The following ZNF804B variants were observed in gnomAD, a reference collection of about 807,000 sequenced individuals.
ZNF804B encodes zinc finger 804B.
Under a neutral mutation model 101.4 loss-of-function variants are expected in ZNF804B, and 80 were observed. The observed-to-expected ratio is 0.79, with a 90% CI of 0.66 to 0.95. The LOEUF is 0.95. Among genes scored for constraint, ZNF804B ranks in the 40% least tolerant of loss-of-function variants. ZNF804B has a pLI of 0.00. For missense variants in ZNF804B, 1,673 were observed against 1,561.9 expected, an observed-to-expected ratio of 1.07 and a Z score of -1.20; for synonymous variants, 622 against 558.8, an observed-to-expected ratio of 1.11 and a Z score of -1.59.
rs187177351 is a variant in ZNF804B, at chr7:88,816,023, A to G, written c.108+55939A>G. 9.1e-4 allele frequency among the ~76,000 whole-genome samples: 138 copies of G among 152,104 alleles called. 4 individuals carry two copies. In the East Asian group the frequency reaches 0.01, roughly 12 times the overall value. ...TCTTGCTATCCTACTCCGACTCTAA[A>G]TATTTCACACCAGGCAATTCCTCCC... On this transcript the variant is annotated intron_variant, in intron 1 of 3. Transcript: ENST00000333190.
intron 1 of ZNF804B, among the ~76,000 whole-genome samples, chr7:88,812,131 T>C (rs1292234810): frequency 1.3e-5 from 2 of 152,198 alleles, no homozygotes; most frequent in Non-Finnish European, 2.9e-5. Flanking sequence ...ACAGCCAATA[T>C]AGATTTCATG....
At chr7:89,118,609 G>A (rs190205303) in intron 1 of ZNF804B, among the ~76,000 whole-genome samples, 6 of 152,004 alleles carry the variant, frequency 3.9e-5, no homozygotes, top group Non-Finnish European at 5.9e-5. Context: ...AAGTGCCCCC[G>A]GCTCTCATAC....
At position 88,854,527 on chromosome 7, in the gene ZNF804B, T is replaced by TTTCCTTTCCTTTCCTTCCCTTCC. The variant is rs1791519535; in HGVS notation, c.108+94449_108+94450insTCCTTTCCTTCCCTTCCTTCCTT. Among the ~76,000 whole-genome samples, 80 of 40,084 alleles carry TTTCCTTTCCTTTCCTTCCCTTCC rather than the reference T, an allele frequency of 2.0e-3. 2 individuals carry two copies. Among genetic ancestry groups the TTTCCTTTCCTTTCCTTCCCTTCC allele is most frequent in the East Asian group, 3.3e-3 (3 of 922 alleles). The allele number at this position is 40,084 out of a possible 152,430, so 26.3% of individuals were successfully genotyped here. On this transcript the variant is annotated intron_variant, in intron 1 of 3. Coordinates refer to ENST00000333190, the MANE Select transcript of ZNF804B (RefSeq NM_181646.5). Reference sequence around the variant, plus strand: ...CTTTCCTTTCCTTTCCTTTCCTTCCTTTCCTTCCTTCCTTCCTTCCTTCCT... The same window carrying TTTCCTTTCCTTTCCTTCCCTTCC: ...CTTTCCTTTCCTTTCCTTTCCTTCCTTTCCTTTCCTTTCCTTCCCTTCCTTCCTTCCTTCCTTCCTTCCTTCCT...
At chr7:88,883,403 G>T (rs1583996076) in intron 1 of ZNF804B, among the ~76,000 whole-genome samples, 1 of 152,174 alleles carries the variant, frequency 6.6e-6, no homozygotes, top group Middle Eastern at 3.4e-3. Context: ...ACCAGACATT[G>T]TTACATAAGG....
chr7:88,903,489 T>A (rs1235508669), intron 1 of ZNF804B, among the ~76,000 whole-genome samples: 1 of 152,158 alleles, frequency 6.6e-6, no homozygotes, highest in South Asian at 2.1e-4. Context: ...ATTGCTGTGT[T>A]GAATCGTAGT....
intron 1 of ZNF804B, among the ~76,000 whole-genome samples, chr7:88,907,766 A>G (rs138917909): frequency 3.0e-4 from 46 of 152,098 alleles, no homozygotes; most frequent in African/African-American, 1.1e-3. Flanking sequence ...TTGAATTTTA[A>G]CTTCCAATTG....
intron 1 of ZNF804B, among the ~76,000 whole-genome samples, chr7:89,099,103 CAT>C (rs1562884311): frequency 6.7e-6 from 1 of 149,340 alleles, no homozygotes; most frequent in East Asian, 1.9e-4. Context: ...CACACACACA[CAT>C]ACACACACAC....
chr7:89,309,094 G>A (rs558143195), intron 2 of ZNF804B, among the ~76,000 whole-genome samples: 31 of 152,266 alleles, frequency 2.0e-4, no homozygotes, highest in African/African-American at 7.0e-4. Context: ...CATCCAAGTA[G>A]TGAACATAGT....
chr7:88,898,073 CTTTTTTTTTTTTTTT>C (rs869050718), intron 1 of ZNF804B, among the ~76,000 whole-genome samples: 3 of 56,594 alleles, frequency 5.3e-5, no homozygotes, highest in African/African-American at 8.4e-5. Flanking sequence ...ACTTCTCCAT[CTTTTTTTTTTTTTTT>C]TTTTTTTTTT....
intron 2 of ZNF804B, among the ~76,000 whole-genome samples, chr7:89,223,825 C>G (rs17167590): frequency 6.6e-6 from 1 of 151,706 alleles, no homozygotes; most frequent in Non-Finnish European, 1.5e-5. Context: ...ATATAGCTCA[C>G]GTTTTTGGAA....
In ZNF804B at chr7:88,988,833, C is replaced by G. The variant is rs114722421; in HGVS notation, c.108+228749C>G. Among the ~76,000 whole-genome samples, 5 of 152,154 alleles carry G rather than the reference C, an allele frequency of 3.3e-5. No homozygotes were observed. The East Asian group carries it at 9.7e-4, about 30-fold the overall frequency. On this transcript the variant is annotated intron_variant, in intron 1 of 3. Coordinates refer to ENST00000333190, the MANE Select transcript of ZNF804B (RefSeq NM_181646.5). ...GAAGTGAGAGAAGAACCTTTTAAAA[C>G]GAATTCATGCAAGAAGGATTTATAT...
At chr7:89,303,969 A>G (rs1790522052) in intron 2 of ZNF804B, among the ~76,000 whole-genome samples, 1 of 151,960 alleles carries the variant, frequency 6.6e-6, no homozygotes, top group Non-Finnish European at 1.5e-5. Context: ...ACCAAGACAG[A>G]CTTAATTTGC....
At chr7:89,194,581 ATTGC>A (rs1788515639) in intron 1 of ZNF804B, among the ~76,000 whole-genome samples, 2 of 151,104 alleles carry the variant, frequency 1.3e-5, no homozygotes, top group African/African-American at 2.4e-5. Context: ...TCCTTTCCCC[ATTGC>A]TTGTTTTTCT....
chr7:89,196,101 A>G (rs1486083094), intron 1 of ZNF804B, among the ~76,000 whole-genome samples: 1 of 152,142 alleles, frequency 6.6e-6, no homozygotes, highest in Non-Finnish European at 1.5e-5. Context: ...AGCCAATACA[A>G]TCCTAAGTGT....
intron 2 of ZNF804B, among the ~76,000 whole-genome samples, chr7:89,286,204 T>C (rs1790193418): frequency 6.6e-6 from 1 of 152,174 alleles, no homozygotes; most frequent in South Asian, 2.1e-4. Context: ...ATCGGGACTT[T>C]AGGACTTTAT....
intron 1 of ZNF804B, among the ~76,000 whole-genome samples, chr7:88,933,291 TATCTC>T (rs1191765247): frequency 1.1e-4 from 16 of 151,836 alleles, no homozygotes; most frequent in African/African-American, 3.9e-4. Context: ...AGTAGAAACT[TATCTC>T]AAAGTAATAA....
At chr7:89,117,013 A>G (rs1790322180) in intron 1 of ZNF804B, among the ~76,000 whole-genome samples, 1 of 152,220 alleles carries the variant, frequency 6.6e-6, no homozygotes. Context: ...GACCACACAG[A>G]GAAGGCAACA....
chr7:89,041,593 G>A (rs925606416), intron 1 of ZNF804B, among the ~76,000 whole-genome samples: 1 of 152,204 alleles, frequency 6.6e-6, no homozygotes, highest in African/African-American at 2.4e-5. Flanking sequence ...TAGATTCTGA[G>A]ACCACGGGGC....
chr7:89,290,969 A>G (rs1790280045), intron 2 of ZNF804B, among the ~76,000 whole-genome samples: 1 of 152,118 alleles, frequency 6.6e-6, no homozygotes, highest in African/African-American at 2.4e-5. Flanking sequence ...AACATAATGG[A>G]AGAAATCAAG....
Sources: gnomAD v4.1 joint callset for allele counts (sites outside exome capture counted in the v4.1 genomes callset) on GRCh38, gnomAD v4.1.1 for gene constraint, MANE v1.5 for transcripts, NCBI Gene and HGNC (gene_info 2026-07-23, HGNC 2026-07-21) for gene names.